PDE4B: variants seen among roughly 807,000 people sequenced by gnomAD.
The protein encoded by PDE4B is phosphodiesterase 4B, also known as 3',5'-cyclic-AMP phosphodiesterase 4B.
PDE4B carries 20 observed loss-of-function variants against 82.2 expected under a neutral mutation model. That is an observed-to-expected ratio of 0.24 (90% CI 0.17 to 0.35). The LOEUF is 0.35. Ranked by LOEUF, PDE4B falls within the 10% of genes least tolerant of loss-of-function variation. PDE4B has a pLI of 1.00. For synonymous variants in PDE4B, 320 were observed against 318.9 expected (o/e 1.00, Z -0.04); for missense variants, 655 against 907.2 (o/e 0.72, Z 3.57).
intron 7 of PDE4B, among the ~76,000 whole-genome samples, chr1:66,275,533 A>G (rs1655818739): frequency 6.6e-6 from 1 of 152,196 alleles, no homozygotes; most frequent in East Asian, 1.9e-4. Flanking sequence ...GAGGGAGATA[A>G]AAAAGGAGGT....
chr1:66,273,324 C>T (rs1655645801), intron 7 of PDE4B, among the ~76,000 whole-genome samples: 1 of 152,244 alleles, frequency 6.6e-6, no homozygotes. Flanking sequence ...GTTGCCTTTT[C>T]TCCAAAATAT....
intron 3 of PDE4B, among the ~76,000 whole-genome samples, chr1:66,083,073 C>A (rs770786214): frequency 7.9e-5 from 12 of 152,124 alleles, no homozygotes; most frequent in Non-Finnish European, 1.6e-4. Flanking sequence ...CCTCATCCTG[C>A]AGTTTGTTGT....
intron 1 of PDE4B, among the ~76,000 whole-genome samples, chr1:65,847,254 A>G (rs182274965): frequency 1.3e-5 from 2 of 152,296 alleles, no homozygotes; most frequent in Non-Finnish European, 1.5e-5. Context: ...GCCCCACAAC[A>G]ACTTCATGAG....
chr1:65,922,995 TC>T (rs1452152513), intron 3 of PDE4B, among the ~76,000 whole-genome samples: 1 of 151,906 alleles, frequency 6.6e-6, no homozygotes, highest in African/African-American at 2.4e-5. Flanking sequence ...TTTTGAGTAT[TC>T]CCCCCAACCC....
Position 65,946,188 on chromosome 1 carries a change from G to A in PDE4B, c.281+27353G>A, listed in dbSNP as rs1336571219. On this transcript the variant is annotated intron_variant, in intron 3 of 16. Coordinates refer to ENST00000341517, the MANE Select transcript of PDE4B (RefSeq NM_002600.4). ...ATTATAACAGTGACAGAAAGCATGC[G>A]GGTTTGTGACATATGTTTGTGTATC... 2.0e-5 allele frequency among the ~76,000 whole-genome samples: 3 copies of A among 151,984 alleles called. 1 individual carries two copies. The highest frequency in any genetic ancestry group is 1.5e-5 in the Non-Finnish European group (1 of 67,912).
intron 7 of PDE4B, among the ~76,000 whole-genome samples, chr1:66,293,143 G>A (rs1657227581): frequency 6.6e-6 from 1 of 152,072 alleles, no homozygotes; most frequent in Non-Finnish European, 1.5e-5. Flanking sequence ...CCTTTTTTGA[G>A]GTCCTTGAGG....
chr1:66,315,955 T>A (rs1658999279), intron 7 of PDE4B, among the ~76,000 whole-genome samples: 1 of 152,194 alleles, frequency 6.6e-6, no homozygotes, highest in African/African-American at 2.4e-5. Flanking sequence ...CTCTCCACCC[T>A]CCTGTGTTCT....
chr1:66,113,930 A>G (rs1645539694), intron 3 of PDE4B, among the ~76,000 whole-genome samples: 1 of 152,208 alleles, frequency 6.6e-6, no homozygotes, highest in African/African-American at 2.4e-5. Flanking sequence ...TCATTTAATC[A>G]TTTGAGAGTA....
intron 3 of PDE4B, among the ~76,000 whole-genome samples, chr1:66,106,593 T>C (rs1200250326): frequency 6.6e-6 from 1 of 151,402 alleles, no homozygotes; most frequent in Non-Finnish European, 1.5e-5. Context: ...TGGTAAGCTA[T>C]TGATTATTGC....
chr1:65,946,050 A>T (rs11208776), intron 3 of PDE4B, among the ~76,000 whole-genome samples: 61,933 of 151,716 alleles, frequency 0.41, 14,656 homozygotes, highest in Non-Finnish European at 0.54. Flanking sequence ...TTTTCATCTT[A>T]CACCCACACA....
intron 8 of PDE4B, among the ~76,000 whole-genome samples, chr1:66,351,870 C>G (rs1661843470): frequency 6.6e-6 from 1 of 152,206 alleles, no homozygotes. Context: ...TAACTTCAAA[C>G]ATAATTCATA....
intron 7 of PDE4B, among the ~76,000 whole-genome samples, chr1:66,306,211 C>A (rs1341316700): frequency 6.6e-6 from 1 of 152,020 alleles, no homozygotes; most frequent in Non-Finnish European, 1.5e-5. Flanking sequence ...TTTCACAAAC[C>A]CTGTACACCA....
intron 1 of PDE4B, among the ~76,000 whole-genome samples, chr1:65,812,776 GCTCTATTCTAAAGT>G (rs961831135): frequency 2.0e-5 from 3 of 152,174 alleles, no homozygotes; most frequent in Admixed American, 6.5e-5. Context: ...TGGTTGAGAA[GCTCTATTCTAAAGT>G]CTCCATGAAA....
At chr1:66,145,997 C>T (rs1646260629) in intron 3 of PDE4B, among the ~76,000 whole-genome samples, 1 of 152,156 alleles carries the variant, frequency 6.6e-6, no homozygotes, top group African/African-American at 2.4e-5. Context: ...TCACAAAAGT[C>T]AGTCAGGACA....
Position 65,818,578 on chromosome 1 carries a change from C to T in PDE4B, c.-71+25330C>T, listed in dbSNP as rs12029272. 8.8e-3 allele frequency among the ~76,000 whole-genome samples: 1,338 copies of T among 151,556 alleles called. 74 individuals are homozygous for T. In the East Asian group the frequency reaches 0.14, roughly 15 times the overall value. On this transcript the variant is annotated intron_variant, in intron 1 of 16. Coordinates refer to ENST00000341517, the MANE Select transcript of PDE4B (RefSeq NM_002600.4). ...TTCTGTATAAATATTAGGAGATTCTCAAAGGCCAGAACCACGCCTTTCTCA... is the reference window on the plus strand; with the variant it reads ...TTCTGTATAAATATTAGGAGATTCTTAAAGGCCAGAACCACGCCTTTCTCA...
chr1:65,938,240 C>G (rs1416887506), intron 3 of PDE4B, among the ~76,000 whole-genome samples: 2 of 152,146 alleles, frequency 1.3e-5, no homozygotes, highest in Non-Finnish European at 1.5e-5. Flanking sequence ...AATTCTCATT[C>G]TAGTCCCAAC....
intron 3 of PDE4B, among the ~76,000 whole-genome samples, chr1:66,155,178 A>G (rs1646478716): frequency 6.6e-6 from 1 of 152,146 alleles, no homozygotes; most frequent in Admixed American, 6.6e-5. Context: ...TCAAGATGGA[A>G]GCCAAGGTGC....
At chr1:66,325,363 A>G (rs948662304) in intron 7 of PDE4B, among the ~76,000 whole-genome samples, 2 of 152,238 alleles carry the variant, frequency 1.3e-5, no homozygotes, top group African/African-American at 4.8e-5. Flanking sequence ...GATTTCCAAT[A>G]TAATCATTCG....
intron 3 of PDE4B, among the ~76,000 whole-genome samples, chr1:66,120,160 T>G (rs1645680830): frequency 6.6e-6 from 1 of 152,212 alleles, no homozygotes; most frequent in Non-Finnish European, 1.5e-5. Flanking sequence ...CCTCTCCAAA[T>G]GTCAGCTCCT....
Sources: allele counts gnomAD v4.1 joint callset (sites outside exome capture counted in the v4.1 genomes callset), GRCh38; gene constraint gnomAD v4.1.1; transcripts MANE v1.5; gene names NCBI Gene and HGNC (gene_info 2026-07-23, HGNC 2026-07-21).